Variants in CSMD1 observed in about 807,000 individuals in gnomAD.
CSMD1 encodes the protein CUB and Sushi multiple domains 1.
Under a neutral mutation model 417.5 loss-of-function variants are expected in CSMD1, and 213 were observed. The observed-to-expected ratio is 0.51, with a 90% CI of 0.46 to 0.57. The LOEUF (loss-of-function observed/expected upper bound fraction) is 0.57. Among genes scored for constraint, CSMD1 ranks in the 20% least tolerant of loss-of-function variants. The probability of loss-of-function intolerance (pLI) is 0.00; values close to 1 mark genes in which losing one functional copy is unlikely to be tolerated. For synonymous variants in CSMD1, 2,862 were observed against 1,736.8 expected, an observed-to-expected ratio of 1.65 and a Z score of -16.11; for missense variants, 6,923 against 4,529.7, an observed-to-expected ratio of 1.53 and a Z score of -15.17.
At chr8:3,187,245 T>C (rs1003990211) in intron 36 of CSMD1, among the ~76,000 whole-genome samples, 2 of 152,162 alleles carry the variant, frequency 1.3e-5, no homozygotes, top group Non-Finnish European at 2.9e-5. Flanking sequence ...AAGAAAGCGG[T>C]GTCATGCATC....
chr8:3,678,327 C>A (rs754601458), intron 7 of CSMD1, among the ~76,000 whole-genome samples: 49 of 152,226 alleles, frequency 3.2e-4, no homozygotes, highest in Non-Finnish European at 4.4e-4. Flanking sequence ...ATAACCAATG[C>A]AGAGAAGTCT....
At chr8:3,727,677 A>C (rs1802573605) in intron 6 of CSMD1, among the ~76,000 whole-genome samples, 1 of 152,342 alleles carries the variant, frequency 6.6e-6, no homozygotes, top group South Asian at 2.1e-4. Flanking sequence ...CAAGTTTAAA[A>C]CAGCATTATT....
At chr8:3,490,132 G>A (rs550694637) in intron 11 of CSMD1, among the ~76,000 whole-genome samples, 2 of 152,260 alleles carry the variant, frequency 1.3e-5, no homozygotes, top group Non-Finnish European at 2.9e-5. Flanking sequence ...TTATTTTTCT[G>A]TGATCTGGTA....
chr8:4,022,184 G>GTATATATA (rs10631130), intron 4 of CSMD1, among the ~76,000 whole-genome samples: 2 of 118,060 alleles, frequency 1.7e-5, no homozygotes, highest in African/African-American at 5.5e-5. Context: ...ATATTTATGT[G>GTATATATA]TATATATATA....
chr8:3,895,500 C>T (rs572659830), intron 5 of CSMD1, among the ~76,000 whole-genome samples: 6 of 152,110 alleles, frequency 3.9e-5, no homozygotes, highest in African/African-American at 7.2e-5. Flanking sequence ...GGCCTATTAT[C>T]AATTTAAGTG....
At chr8:4,375,312 CCTTT>C (rs1802662148) in intron 3 of CSMD1, among the ~76,000 whole-genome samples, 1 of 152,094 alleles carries the variant, frequency 6.6e-6, no homozygotes, top group Non-Finnish European at 1.5e-5. Context: ...TCCAAAAGCA[CCTTT>C]CTTCCTGGTC....
intron 3 of CSMD1, among the ~76,000 whole-genome samples, chr8:4,292,966 G>A (rs1797453795): frequency 6.6e-6 from 1 of 152,210 alleles, no homozygotes; most frequent in African/African-American, 2.4e-5. Flanking sequence ...CACTCCAGAG[G>A]CAAAAGACGT....
intron 1 of CSMD1, among the ~76,000 whole-genome samples, chr8:4,679,605 T>C (rs962303321): frequency 1.3e-5 from 2 of 152,180 alleles, no homozygotes. Context: ...TTAATCATCG[T>C]CCTTCTTTAA....
intron 3 of CSMD1, among the ~76,000 whole-genome samples, chr8:4,050,281 G>C (rs1047926857): frequency 6.6e-6 from 1 of 152,096 alleles, no homozygotes; most frequent in Non-Finnish European, 1.5e-5. Flanking sequence ...TCTTTGGAAG[G>C]GAGGAACTAT....
At chr8:4,262,855 T>G (rs1192195251) in intron 3 of CSMD1, among the ~76,000 whole-genome samples, 1 of 152,202 alleles carries the variant, frequency 6.6e-6, no homozygotes, top group Non-Finnish European at 1.5e-5. Flanking sequence ...AACTGTCTTT[T>G]AAGCCAATAA....
intron 3 of CSMD1, among the ~76,000 whole-genome samples, chr8:4,329,269 C>G (rs1247330014): frequency 6.6e-6 from 1 of 152,104 alleles, no homozygotes; most frequent in Non-Finnish European, 1.5e-5. Context: ...AGACCTATTA[C>G]TAAAATGCTT....
chr8:4,181,421 C>T (rs111925092), intron 3 of CSMD1, among the ~76,000 whole-genome samples: 90 of 151,228 alleles, frequency 6.0e-4, no homozygotes, highest in Non-Finnish European at 1.1e-3. Context: ...CTTTTGGCTT[C>T]CCTGGGCAAC....
chr8:4,855,642 T>G (rs1801754459), intron 1 of CSMD1, among the ~76,000 whole-genome samples: 1 of 152,026 alleles, frequency 6.6e-6, no homozygotes, highest in Non-Finnish European at 1.5e-5. Flanking sequence ...GCCAATGCAA[T>G]CAACTGGAAG....
chr8:3,313,339 A>C (rs1313968546), intron 23 of CSMD1, among the ~76,000 whole-genome samples: 1 of 152,228 alleles, frequency 6.6e-6, no homozygotes, highest in Non-Finnish European at 1.5e-5. Context: ...GGCAACATAC[A>C]GAAAGGGAGA....
At chr8:4,202,990 G>A (rs1205690577) in intron 3 of CSMD1, among the ~76,000 whole-genome samples, 1 of 152,146 alleles carries the variant, frequency 6.6e-6, no homozygotes, top group Non-Finnish European at 1.5e-5. Flanking sequence ...AAAGATGTCT[G>A]CATCGTAATT....
intron 5 of CSMD1, among the ~76,000 whole-genome samples, chr8:3,876,882 G>A (rs551002003): frequency 1.3e-4 from 20 of 152,304 alleles, no homozygotes; most frequent in African/African-American, 3.8e-4. Flanking sequence ...AAAATCATGC[G>A]TGGGATTACA....
intron 2 of CSMD1, among the ~76,000 whole-genome samples, chr8:4,541,808 A>T (rs924832344): frequency 6.6e-6 from 1 of 152,128 alleles, no homozygotes; most frequent in African/African-American, 2.4e-5. Context: ...AATAATAATA[A>T]TAAGTGGAAT....
intron 3 of CSMD1, among the ~76,000 whole-genome samples, chr8:4,083,705 G>C (rs1043039329): frequency 6.6e-6 from 1 of 152,118 alleles, no homozygotes; most frequent in African/African-American, 2.4e-5. Flanking sequence ...ATGGATTAAA[G>C]ACTTAAACGT....
chr8:3,009,236 G>A (rs1243916691), intron 52 of CSMD1, among the ~76,000 whole-genome samples: 1 of 152,232 alleles, frequency 6.6e-6, no homozygotes, highest in Non-Finnish European at 1.5e-5. Flanking sequence ...CAGGTTTGTA[G>A]CAGGACAAAT....
Sources: allele counts gnomAD v4.1 joint callset (sites outside exome capture counted in the v4.1 genomes callset), GRCh38; gene constraint gnomAD v4.1.1; transcripts MANE v1.5; gene names NCBI Gene and HGNC (gene_info 2026-07-23, HGNC 2026-07-21).